The following KCNC4 variants were observed in gnomAD, a reference collection of about 807,000 sequenced individuals.
KCNC4 encodes voltage-gated potassium channel KCNC4.
Under a neutral mutation model 42.8 loss-of-function variants are expected in KCNC4, and 23 were observed. The observed-to-expected ratio is 0.54, with a 90% CI of 0.39 to 0.76. KCNC4 has a LOEUF of 0.76. KCNC4 is among the 30% of genes least tolerant of loss of function. The probability of loss-of-function intolerance (pLI) is 0.00; values close to 1 mark genes in which losing one functional copy is unlikely to be tolerated. For missense variants in KCNC4, 751 were observed against 898.2 expected (o/e 0.84, Z 2.10); for synonymous variants, 422 against 393.5 (o/e 1.07, Z -0.86).
chr1:110,247,565 T>C (rs1328639708), exon 4 of KCNC4: 3 of 148,942 alleles, frequency 2.0e-5, no homozygotes, highest in African/African-American at 7.4e-5. Flanking sequence ...CTTTTTTTTT[T>C]TTTTTTTTTG....
At chr1:110,277,466 T>G (rs1367636580) in intron 1 of KCNC4, among the ~76,000 whole-genome samples, 1 of 152,198 alleles carries the variant, frequency 6.6e-6, no homozygotes, top group Non-Finnish European at 1.5e-5. Flanking sequence ...CTGAGATAGC[T>G]CATCTGCTAC....
chr1:110,226,926 C>T (rs763973457), intron 3 of KCNC4, among the ~76,000 whole-genome samples: 9 of 152,156 alleles, frequency 5.9e-5, no homozygotes, highest in African/African-American at 9.7e-5. Flanking sequence ...TTCCTGGCCT[C>T]GGAAAGCGGG....
chr1:110,268,542 T>C (rs1216736358), intron 1 of KCNC4, among the ~76,000 whole-genome samples: 128 of 145,556 alleles, frequency 8.8e-4, no homozygotes, highest in Non-Finnish European at 1.5e-3. Flanking sequence ...GGAGGCAGAG[T>C]TTGCAGTGAG....
At chr1:110,250,060 T>A (rs750997695), downstream of KCNC4, among the ~76,000 whole-genome samples, 39 of 152,194 alleles carry the variant, frequency 2.6e-4, no homozygotes, top group Non-Finnish European at 4.7e-4. Context: ...CAAGAATTAG[T>A]CTCTGACAAC....
intron 1 of KCNC4, among the ~76,000 whole-genome samples, chr1:110,258,668 CAGAG>C (rs1358160076): frequency 6.6e-6 from 1 of 152,194 alleles, no homozygotes; most frequent in Non-Finnish European, 1.5e-5. Context: ...TAACCCTGCC[CAGAG>C]TCACCTAGGC....
chr1:110,225,374 A>G (rs916078244), intron 2 of KCNC4: 2 of 152,302 alleles, frequency 1.3e-5, no homozygotes, highest in African/African-American at 4.8e-5. Flanking sequence ...AGCCCACAGC[A>G]CTTGAGAGCT....
intron 1 of KCNC4, among the ~76,000 whole-genome samples, chr1:110,279,892 G>A (rs1040158360): frequency 4.9e-5 from 7 of 143,428 alleles, no homozygotes; most frequent in South Asian, 2.3e-4. Flanking sequence ...TCCACCTCCC[G>A]GATTCAAGCG....
rs1025946079 is a variant in KCNC4, at chr1:110,210,678, C to G, written c.-822C>G. On this transcript the variant is annotated 5_prime_UTR_variant, in exon 1 of 4. Transcript: ENST00000438661. Reference sequence around the variant, plus strand: ...CAGGCTCGGCGCCGCGCAGGACGCCCCGTCTGAGGCACCCCCGCCCCAGCG... The same window carrying G: ...CAGGCTCGGCGCCGCGCAGGACGCCGCGTCTGAGGCACCCCCGCCCCAGCG... Among the ~76,000 whole-genome samples, 2 of 151,270 alleles carry G rather than the reference C, an allele frequency of 1.3e-5. No individual in the cohort carries two copies. The highest frequency in any genetic ancestry group is 3.0e-5 in the Non-Finnish European group (2 of 67,744).
At chr1:110,226,865 C>T (rs1220535665) in intron 3 of KCNC4, among the ~76,000 whole-genome samples, 3 of 152,216 alleles carry the variant, frequency 2.0e-5, no homozygotes, top group African/African-American at 7.2e-5. Context: ...CATCCCCAGG[C>T]CCCAAGCCTG....
exon 4 of KCNC4, chr1:110,241,216 GGCTCTT>G (rs1659026271): frequency 6.6e-6 from 1 of 152,220 alleles, no homozygotes; most frequent in South Asian, 2.1e-4. Context: ...CCCTGCCAGA[GGCTCTT>G]GCTAACTACT....
exon 4 of KCNC4, chr1:110,248,678 A>G (rs1659199368): frequency 1.3e-5 from 2 of 152,306 alleles, no homozygotes; most frequent in African/African-American, 4.8e-5. Flanking sequence ...ACATATTCAT[A>G]CTTTAACTGT....
rs1418597877 is a variant in KCNC4, at chr1:110,212,055, C to G, written c.556C>G (p.Leu186Val). The stretch of plus-strand genomic sequence containing the variant: ...CGGCGACGATGAGCGGGAGCTGGCC[C>G]TGCAGCGACTGGGCCCCCACGAGGG... ...EAGDDERELA[L>V]QRLGPHEGGA... Residue 186 changes from leucine to valine, a missense_variant, in exon 1 of 4, where the codon CTG becomes GTG. By Grantham distance (32) the Leu-to-Val change is conservative. Transcript: ENST00000438661. 1 of 1,564,044 alleles carries G rather than the reference C, an allele frequency of 6.4e-7. No individual in the cohort carries two copies. Among genetic ancestry groups the G allele is most frequent in the Admixed American group, 1.9e-5 (1 of 52,332 alleles).
At chr1:110,265,072 ACT>A (rs1218976692) in intron 1 of KCNC4, among the ~76,000 whole-genome samples, 1 of 135,380 alleles carries the variant, frequency 7.4e-6, no homozygotes, top group Non-Finnish European at 1.6e-5. Context: ...CAGAACCAAG[ACT>A]CTGTCTCAGA....
At chr1:110,281,555 A>ACACACACACACACACACAC (rs71752517) in intron 1 of KCNC4, among the ~76,000 whole-genome samples, 1 of 140,350 alleles carries the variant, frequency 7.1e-6, no homozygotes, top group African/African-American at 2.7e-5. Flanking sequence ...CATATGTAAA[A>ACACACACACACACACACAC]ACACACACAC....
chr1:110,241,553 A>G (rs1659035118), exon 4 of KCNC4: 1 of 152,222 alleles, frequency 6.6e-6, no homozygotes, highest in Non-Finnish European at 1.5e-5. Context: ...GAGCTCTACA[A>G]GGAATTCTGG....
At chr1:110,268,594 A>C (rs1659584806) in intron 1 of KCNC4, among the ~76,000 whole-genome samples, 1 of 133,146 alleles carries the variant, frequency 7.5e-6, no homozygotes, top group South Asian at 2.8e-4. Flanking sequence ...AGACAGAGCA[A>C]GAGACTGTCT....
intron 1 of KCNC4, among the ~76,000 whole-genome samples, chr1:110,263,570 G>A (rs549210138): frequency 9.2e-5 from 14 of 152,096 alleles, no homozygotes; most frequent in Non-Finnish European, 1.9e-4. Context: ...AAATATGTAC[G>A]CCACTCCAAA....
In KCNC4 at chr1:110,226,057, G is replaced by A. The variant is rs371724703; in HGVS notation, c.1698G>A (p.Pro566=). The change falls in exon 3 of 4, where the codon CCG becomes CCA. Residue 566 remains proline, a synonymous_variant. Coordinates refer to ENST00000438661, the MANE Select transcript of KCNC4 (RefSeq NM_001039574.3). ...AGLTQPLASS[P]TPEERRALRR... ...TCACCCAACCCCTGGCCTCCTCCCC[G>A]ACCCCCGAGGAGCGCCGGGCCCTGC... The A allele has an allele frequency of 7.7e-5, 125 of 1,613,786 alleles. No homozygotes were observed. Among genetic ancestry groups the A allele is most frequent in the Non-Finnish European group, 9.7e-5 (114 of 1,179,944 alleles).
downstream of KCNC4, among the ~76,000 whole-genome samples, chr1:110,250,340 T>C (rs1659228418): frequency 6.6e-6 from 1 of 152,196 alleles, no homozygotes; most frequent in Non-Finnish European, 1.5e-5. Flanking sequence ...TACTGCCTTC[T>C]ACACTCACTC....
Sources: allele counts gnomAD v4.1 joint callset (sites outside exome capture counted in the v4.1 genomes callset), GRCh38; gene constraint gnomAD v4.1.1; transcripts MANE v1.5; gene names NCBI Gene and HGNC (gene_info 2026-07-23, HGNC 2026-07-21).